Variants in SPAG16 observed in about 807,000 individuals in gnomAD.
The protein encoded by SPAG16 is sperm associated antigen 16, also known as sperm-associated antigen 16 protein.
In SPAG16, 86 loss-of-function variants were observed where a neutral mutation model predicts 80.4. The ratio of observed to expected loss-of-function variants is 1.07; its 90% CI spans 0.90 to 1.28. SPAG16 has a LOEUF of 1.28. Among genes scored for constraint, SPAG16 ranks in the 50% most tolerant of loss-of-function variants. SPAG16 has a pLI of 0.00. For synonymous variants in SPAG16, 294 were observed against 265.9 expected (o/e 1.11, Z -1.03); for missense variants, 870 against 765.3 (o/e 1.14, Z -1.61).
chr2:214,095,263 C>T (rs2052509019), intron 13 of SPAG16, among the ~76,000 whole-genome samples: 2 of 151,848 alleles, frequency 1.3e-5, no homozygotes, highest in Admixed American at 1.3e-4. Flanking sequence ...TATCTTTTTT[C>T]CCTAGCTCAT....
intron 12 of SPAG16, among the ~76,000 whole-genome samples, chr2:213,949,169 G>GTTTTTTTTTGTTTTTTTTTTTTTTTTTTT (rs2079599871): frequency 1.8e-5 from 1 of 56,724 alleles, no homozygotes; most frequent in African/African-American, 5.2e-5. Context: ...AATTACAACA[G>GTTTTTTTTTGTTTTTTTTTTTTTTTTTTT]TTTTTTTTTT....
At chr2:213,659,285 C>T (rs1354990579) in intron 10 of SPAG16, among the ~76,000 whole-genome samples, 2 of 150,728 alleles carry the variant, frequency 1.3e-5, no homozygotes, top group Non-Finnish European at 2.9e-5. Flanking sequence ...GCTTCCTCTA[C>T]CAGTATTCTG....
intron 10 of SPAG16, among the ~76,000 whole-genome samples, chr2:213,779,391 A>T (rs7568792): frequency 0.21 from 32,302 of 152,022 alleles, 4,016 homozygotes; most frequent in South Asian, 0.32. Flanking sequence ...TAAAAATTTT[A>T]AAAAAATTGT....
chr2:213,780,314 G>T (rs1463005444), intron 10 of SPAG16, among the ~76,000 whole-genome samples: 1 of 152,112 alleles, frequency 6.6e-6, no homozygotes, highest in Non-Finnish European at 1.5e-5. Flanking sequence ...TACCCTTAAG[G>T]GTAACTGTTG....
chr2:213,445,645 G>A (rs933635570), intron 9 of SPAG16, among the ~76,000 whole-genome samples: 3 of 151,990 alleles, frequency 2.0e-5, no homozygotes, highest in Non-Finnish European at 2.9e-5. Context: ...CAGCCTGGGC[G>A]ACAAGAGTGA....
chr2:213,341,280 C>T (rs748947548), intron 6 of SPAG16, among the ~76,000 whole-genome samples: 36 of 152,184 alleles, frequency 2.4e-4, no homozygotes, highest in Non-Finnish European at 4.4e-4. Flanking sequence ...AACTGGGTAT[C>T]AAGTTAATCA....
intron 10 of SPAG16, among the ~76,000 whole-genome samples, chr2:213,658,330 C>T (rs1001016897): frequency 5.9e-5 from 9 of 152,114 alleles, no homozygotes; most frequent in African/African-American, 1.9e-4. Context: ...ATAATCTAGC[C>T]CCTCTTTCCC....
chr2:214,197,956 A>C (rs993637788), intron 15 of SPAG16, among the ~76,000 whole-genome samples: 2 of 152,090 alleles, frequency 1.3e-5, no homozygotes, highest in Non-Finnish European at 2.9e-5. Context: ...TTGACTTTTT[A>C]CCTGGCCATT....
At chr2:213,308,010 C>A (rs186742248) in intron 3 of SPAG16, among the ~76,000 whole-genome samples, 2 of 152,058 alleles carry the variant, frequency 1.3e-5, no homozygotes, top group East Asian at 3.9e-4. Context: ...AAAGAGAAGG[C>A]GAAAGGAAAA....
At chr2:214,350,347 G>C in intron 15 of SPAG16, among the ~76,000 whole-genome samples, 1 of 152,052 alleles carries the variant, frequency 6.6e-6, no homozygotes, top group Non-Finnish European at 1.5e-5. Flanking sequence ...CATGTCTCCG[G>C]GCTCTCTTCT....
At chr2:213,535,167 A>G (rs1476844815) in intron 10 of SPAG16, among the ~76,000 whole-genome samples, 1 of 152,134 alleles carries the variant, frequency 6.6e-6, no homozygotes, top group African/African-American at 2.4e-5. Flanking sequence ...CAACAATGTA[A>G]AATCATAATG....
At chr2:213,686,657 G>GTTAGGTA (rs2064688051) in intron 10 of SPAG16, among the ~76,000 whole-genome samples, 1 of 139,988 alleles carries the variant, frequency 7.1e-6, no homozygotes, top group East Asian at 2.0e-4. Flanking sequence ...TATTGGTATG[G>GTTAGGTA]TTAGGTATTA....
At chr2:213,587,699 T>A (rs893542710) in intron 10 of SPAG16, among the ~76,000 whole-genome samples, 3 of 151,088 alleles carry the variant, frequency 2.0e-5, no homozygotes, top group African/African-American at 7.4e-5. Flanking sequence ...TTTTAAAGTG[T>A]TGCTTTCCTT....
At chr2:214,236,253 A>C (rs1205159089) in intron 15 of SPAG16, among the ~76,000 whole-genome samples, 1 of 152,202 alleles carries the variant, frequency 6.6e-6, no homozygotes, top group Non-Finnish European at 1.5e-5. Context: ...ATAGCTATAG[A>C]TACAGTTTAA....
intron 10 of SPAG16, among the ~76,000 whole-genome samples, chr2:213,532,628 A>C (rs113775429): frequency 6.6e-6 from 1 of 151,498 alleles, no homozygotes; most frequent in Admixed American, 6.6e-5. Context: ...TGTCCAGCTA[A>C]TTTTTTTTAT....
At chr2:213,348,791 C>G (rs2065159138) in intron 6 of SPAG16, among the ~76,000 whole-genome samples, 1 of 152,210 alleles carries the variant, frequency 6.6e-6, no homozygotes, top group South Asian at 2.1e-4. Context: ...CCCGACCTTT[C>G]TCTCTGGCTG....
intron 12 of SPAG16, among the ~76,000 whole-genome samples, chr2:213,985,931 G>A (rs1217684034): frequency 1.3e-5 from 2 of 152,138 alleles, no homozygotes; most frequent in Non-Finnish European, 2.9e-5. Flanking sequence ...TATATTCTAT[G>A]TCATGGATAC....
At chr2:213,620,367 A>T (rs1007342719) in intron 10 of SPAG16, among the ~76,000 whole-genome samples, 25 of 129,190 alleles carry the variant, frequency 1.9e-4, no homozygotes, top group African/African-American at 7.0e-4. Flanking sequence ...ATCTCCGCTC[A>T]CTGCAAGCTC....
chr2:213,359,028 G>A (rs991559420), intron 7 of SPAG16, among the ~76,000 whole-genome samples: 2 of 152,222 alleles, frequency 1.3e-5, no homozygotes, highest in African/African-American at 2.4e-5. Flanking sequence ...CTGCAGGTCT[G>A]TTGGGGTTTG....
Sources: gnomAD v4.1 joint callset for allele counts (sites outside exome capture counted in the v4.1 genomes callset) on GRCh38, gnomAD v4.1.1 for gene constraint, MANE v1.5 for transcripts, NCBI Gene and HGNC (gene_info 2026-07-23, HGNC 2026-07-21) for gene names.